The following ATF6 variants were observed in gnomAD, a reference collection of about 807,000 sequenced individuals.
ATF6 encodes activating transcription factor 6, also known as cyclic AMP-dependent transcription factor ATF-6 alpha.
In ATF6, 53 loss-of-function variants were observed where a neutral mutation model predicts 83.6. The observed-to-expected ratio is 0.63, with a 90% CI of 0.51 to 0.80. ATF6 has a LOEUF of 0.80. Ranked by LOEUF, ATF6 falls within the 30% of genes least tolerant of loss-of-function variation. The pLI, the probability that ATF6 is intolerant of heterozygous loss-of-function variation, is 0.00. For missense variants in ATF6, 744 were observed against 797.9 expected (o/e 0.93, Z 0.81); for synonymous variants, 288 against 285.8 (o/e 1.01, Z -0.08).
intron 14 of ATF6, among the ~76,000 whole-genome samples, chr1:161,865,405 G>A (rs181493921): frequency 6.6e-5 from 10 of 152,186 alleles, no homozygotes; most frequent in African/African-American, 2.2e-4. Flanking sequence ...TGATCCACCC[G>A]CCTCGGCCTC....
chr1:161,937,189 A>T (rs963235044), intron 15 of ATF6, among the ~76,000 whole-genome samples: 1 of 151,884 alleles, frequency 6.6e-6, no homozygotes, highest in African/African-American at 2.4e-5. Context: ...AAAATACAAA[A>T]ATTGGCCAGG....
At chr1:161,952,162 A>G (rs1176370976) in intron 15 of ATF6, among the ~76,000 whole-genome samples, 3 of 152,058 alleles carry the variant, frequency 2.0e-5, no homozygotes, top group Non-Finnish European at 4.4e-5. Context: ...CTATGGCCCC[A>G]GGGCTCCATC....
At chr1:161,810,954 AC>A (rs1242436256) in intron 7 of ATF6, among the ~76,000 whole-genome samples, 1 of 151,816 alleles carries the variant, frequency 6.6e-6, no homozygotes, top group African/African-American at 2.4e-5. Flanking sequence ...CTTTTTTATG[AC>A]TGAATAATAT....
intron 1 of ATF6, among the ~76,000 whole-genome samples, chr1:161,778,041 A>G (rs937156629): frequency 6.6e-6 from 1 of 152,236 alleles, no homozygotes; most frequent in Non-Finnish European, 1.5e-5. Context: ...GTAAGAATTC[A>G]GTTCACAAGA....
chr1:161,766,385 G>A lies in ATF6; in HGVS notation c.25G>A (p.Gly9Ser), dbSNP rs1684260978. ...AATGGGGGAGCCGGCTGGGGTTGCCGGCACCATGGAGTCACCTTTTAGCCC... is the reference window on the plus strand; with the variant it reads ...AATGGGGGAGCCGGCTGGGGTTGCCAGCACCATGGAGTCACCTTTTAGCCC... MGEPAGVA[G>S]TMESPFSPGL... Residue 9 changes from glycine (G) to serine (S), a missense_variant, in exon 1 of 16, where the codon GGC becomes AGC. Coordinates refer to ENST00000367942, the MANE Select transcript of ATF6 (RefSeq NM_007348.4). 6.2e-6 allele frequency: 10 copies of A among 1,612,926 alleles called. No homozygotes were observed. Among genetic ancestry groups the A allele is most frequent in the Non-Finnish European group, 8.5e-6 (10 of 1,179,414 alleles).
intron 15 of ATF6, among the ~76,000 whole-genome samples, chr1:161,932,358 T>C (rs1688451859): frequency 1.3e-5 from 2 of 152,198 alleles, no homozygotes. Flanking sequence ...CACTTCTGTC[T>C]CTTTAAAACT....
At chr1:161,881,814 G>A (rs1687331321) in intron 14 of ATF6, among the ~76,000 whole-genome samples, 1 of 151,854 alleles carries the variant, frequency 6.6e-6, no homozygotes, top group South Asian at 2.1e-4. Context: ...TTTATTTTAT[G>A]GACTGTGTTT....
At chr1:161,791,563 T>C (rs770808341) in intron 5 of ATF6, 26 bp downstream of exon 5, 3 of 1,569,526 alleles carry the variant, frequency 1.9e-6, no homozygotes, top group Non-Finnish European at 2.6e-6. Context: ...CTAACTTCTG[T>C]TATTTCTATT....
At chr1:161,856,994 T>C (rs1256094925) in intron 12 of ATF6, among the ~76,000 whole-genome samples, 1 of 152,202 alleles carries the variant, frequency 6.6e-6, no homozygotes, top group Admixed American at 6.5e-5. Context: ...TTAGCTACTA[T>C]AGAAGGGAAT....
Position 161,860,239 on chromosome 1 carries a change from G to A in ATF6, c.1566G>A (p.Leu522=). 1 of 1,594,744 alleles carries A rather than the reference G, an allele frequency of 6.3e-7. No homozygotes were observed. Among genetic ancestry groups the A allele is most frequent in the Non-Finnish European group, 8.6e-7 (1 of 1,169,028 alleles). Residue 522 remains leucine, a synonymous_variant, in exon 13 of 16, where the codon CTG becomes CTA. Transcript: ENST00000367942. ...GALEQGSNSQ[L]MAVQYTETTS... Reference sequence around the variant, plus strand: ...TGGAACAGGGCTCAAATTCTCAGCTGATGGCTGTTCAATACACAGAAACCA... The same window carrying A: ...TGGAACAGGGCTCAAATTCTCAGCTAATGGCTGTTCAATACACAGAAACCA...
intron 15 of ATF6, 140 bp from the exon 16 acceptor site, chr1:161,958,306 G>T: frequency 4.1e-6 from 3 of 729,130 alleles, no homozygotes; most frequent in Non-Finnish European, 6.3e-6. Context: ...CTTACTGACT[G>T]AGAGTCCCTC....
intron 14 of ATF6, among the ~76,000 whole-genome samples, chr1:161,887,858 A>G (rs1359939896): frequency 6.6e-6 from 1 of 152,182 alleles, no homozygotes; most frequent in East Asian, 1.9e-4. Flanking sequence ...TGGGCTGTGG[A>G]GAAAGGAGAA....
intron 14 of ATF6, chr1:161,892,346 A>T (rs1019398144): frequency 6.6e-6 from 1 of 152,246 alleles, no homozygotes; most frequent in Non-Finnish European, 1.5e-5. Context: ...TAATTATTCT[A>T]AACAAATGGA....
intron 1 of ATF6, among the ~76,000 whole-genome samples, chr1:161,768,249 T>A (rs1197923843): frequency 6.6e-6 from 1 of 152,238 alleles, no homozygotes; most frequent in Non-Finnish European, 1.5e-5. Flanking sequence ...CAGACTTATC[T>A]GATCACTTGA....
intron 14 of ATF6, among the ~76,000 whole-genome samples, chr1:161,907,074 T>G (rs1687890670): frequency 6.6e-6 from 1 of 152,228 alleles, no homozygotes; most frequent in Non-Finnish European, 1.5e-5. Context: ...TTGCCATTGC[T>G]TTAATGAATG....
chr1:161,853,985 C>G (rs1686701524), intron 12 of ATF6, among the ~76,000 whole-genome samples: 1 of 152,172 alleles, frequency 6.6e-6, no homozygotes, highest in Admixed American at 6.5e-5. Flanking sequence ...AGCTTACACT[C>G]TAGTGCAGAG....
intron 5 of ATF6, 66 bp downstream of exon 5, chr1:161,791,603 A>T: frequency 6.7e-7 from 1 of 1,497,158 alleles, no homozygotes; most frequent in Non-Finnish European, 8.9e-7. Flanking sequence ...CATTTCTTAA[A>T]AGAAAATGCT....
At chr1:161,937,638 G>A (rs1285458690) in intron 15 of ATF6, among the ~76,000 whole-genome samples, 1 of 148,542 alleles carries the variant, frequency 6.7e-6, no homozygotes, top group Non-Finnish European at 1.5e-5. Flanking sequence ...ACTAACCCAG[G>A]AACAGAAAAC....
Position 161,922,824 on chromosome 1 carries a change from G to A in ATF6, c.1804+10444G>A, listed in dbSNP as rs531778953. 3.5e-3 allele frequency among the ~76,000 whole-genome samples: 527 copies of A among 152,174 alleles called. 4 individuals carry two copies. Among genetic ancestry groups the A allele is most frequent in the African/African-American group, 0.012 (503 of 41,522 alleles). ...GAAGGAATGATACGAGATCAGATCG[G>A]GAAGGTAAACAGGGGCCACATCAGA... On this transcript the variant is annotated intron_variant, in intron 15 of 15. Transcript: ENST00000367942.
Sources: gnomAD v4.1 joint callset for allele counts (sites outside exome capture counted in the v4.1 genomes callset) on GRCh38, gnomAD v4.1.1 for gene constraint, MANE v1.5 for transcripts, NCBI Gene and HGNC (gene_info 2026-07-23, HGNC 2026-07-21) for gene names.